Variants in RAPGEF5 observed in about 807,000 individuals in gnomAD.
The protein encoded by RAPGEF5 is Rap guanine nucleotide exchange factor 5.
A neutral mutation model predicts 125.2 loss-of-function variants in RAPGEF5; 65 were observed. That is an observed-to-expected ratio of 0.52 (90% CI 0.43 to 0.64). The LOEUF (loss-of-function observed/expected upper bound fraction) is 0.64. Among genes scored for constraint, RAPGEF5 ranks in the 30% least tolerant of loss-of-function variants. RAPGEF5 has a pLI of 0.00. For missense variants in RAPGEF5, 958 were observed against 1,048.1 expected (o/e 0.91, Z 1.19); for synonymous variants, 391 against 385.9 (o/e 1.01, Z -0.16).
intron 1 of RAPGEF5, among the ~76,000 whole-genome samples, chr7:22,327,396 T>C (rs1783834583): frequency 6.6e-6 from 1 of 152,264 alleles, no homozygotes; most frequent in Non-Finnish European, 1.5e-5. Context: ...ATCTATATTG[T>C]GCTCATACTT....
chr7:22,145,617 T>C (rs540974903), intron 19 of RAPGEF5, among the ~76,000 whole-genome samples: 95 of 152,176 alleles, frequency 6.2e-4, no homozygotes, highest in Admixed American at 1.0e-3. Context: ...CACAGGTCTG[T>C]TCTCTAAGAC....
chr7:22,180,956 A>G (rs1055553718), intron 11 of RAPGEF5, among the ~76,000 whole-genome samples: 5 of 152,212 alleles, frequency 3.3e-5, no homozygotes, highest in South Asian at 2.1e-4. Context: ...CACTATGCCA[A>G]TCAGCATTGG....
intron 1 of RAPGEF5, among the ~76,000 whole-genome samples, chr7:22,355,367 G>C (rs1481841583): frequency 6.6e-6 from 1 of 152,160 alleles, no homozygotes; most frequent in Non-Finnish European, 1.5e-5. Context: ...CAGACTGCCT[G>C]GCAGCCCTCA....
intron 12 of RAPGEF5, among the ~76,000 whole-genome samples, chr7:22,164,794 T>G (rs1415235122): frequency 1.3e-5 from 2 of 152,218 alleles, no homozygotes; most frequent in Non-Finnish European, 2.9e-5. Context: ...ATGCACAGAA[T>G]ATTAGCTGGC....
At chr7:22,227,910 C>T (rs557226718) in intron 8 of RAPGEF5, among the ~76,000 whole-genome samples, 27 of 152,300 alleles carry the variant, frequency 1.8e-4, no homozygotes, top group East Asian at 9.6e-4. Context: ...TAGAACCAGG[C>T]AAATTTTCAG....
chr7:22,306,070 G>C (rs1220430226), intron 5 of RAPGEF5, among the ~76,000 whole-genome samples: 1 of 152,184 alleles, frequency 6.6e-6, no homozygotes, highest in East Asian at 1.9e-4. Context: ...ACACTCAGCA[G>C]TGGGATTACT....
intron 9 of RAPGEF5, among the ~76,000 whole-genome samples, chr7:22,207,041 A>T (rs10248283): frequency 0.67 from 102,135 of 151,976 alleles, 34,408 homozygotes; most frequent in South Asian, 0.73. Context: ...ATATTCAACT[A>T]CACTAGAGAT....
chr7:22,229,400 A>G (rs1786003416), intron 8 of RAPGEF5, among the ~76,000 whole-genome samples: 1 of 152,220 alleles, frequency 6.6e-6, no homozygotes, highest in African/African-American at 2.4e-5. Flanking sequence ...TCTATGCGGA[A>G]GAAGGAATCA....
At chr7:22,347,967 A>AT (rs1784257100) in intron 1 of RAPGEF5, among the ~76,000 whole-genome samples, 1 of 152,206 alleles carries the variant, frequency 6.6e-6, no homozygotes, top group Non-Finnish European at 1.5e-5. Flanking sequence ...AAATATTTTG[A>AT]TTCAAAAAAA....
intron 9 of RAPGEF5, among the ~76,000 whole-genome samples, chr7:22,210,916 A>C (rs1785494427): frequency 6.6e-6 from 1 of 152,202 alleles, no homozygotes; most frequent in Non-Finnish European, 1.5e-5. Flanking sequence ...CAAAACAATC[A>C]TCCTTTTTGC....
At chr7:22,151,387 A>T (rs1479181216) in intron 17 of RAPGEF5, among the ~76,000 whole-genome samples, 1 of 152,028 alleles carries the variant, frequency 6.6e-6, no homozygotes, top group African/African-American at 2.4e-5. Context: ...TTTATTTTTT[A>T]AAAAAGAAAG....
intron 1 of RAPGEF5, among the ~76,000 whole-genome samples, chr7:22,342,145 C>T (rs1034098450): frequency 6.6e-6 from 1 of 152,264 alleles, no homozygotes; most frequent in Non-Finnish European, 1.5e-5. Context: ...CTTCTGTGCA[C>T]TCACAGACTC....
At chr7:22,310,183 G>T in intron 3 of RAPGEF5, 93 bp from the exon 4 acceptor site, 1 of 1,272,882 alleles carries the variant, frequency 7.9e-7, no homozygotes, top group Non-Finnish European at 1.0e-6. Context: ...CCTTTCATGT[G>T]CTTGCTTTTT....
chr7:22,291,441 C>T (rs1179197814), intron 5 of RAPGEF5, among the ~76,000 whole-genome samples, 200 bp from the exon 6 acceptor site: 1 of 152,110 alleles, frequency 6.6e-6, no homozygotes, highest in Non-Finnish European at 1.5e-5. Flanking sequence ...AATCAATTAG[C>T]AAGAACCTCT....
intron 23 of RAPGEF5, among the ~76,000 whole-genome samples, chr7:22,132,416 G>C (rs1463953768): frequency 6.6e-6 from 1 of 151,072 alleles, no homozygotes; most frequent in Admixed American, 6.6e-5. Flanking sequence ...GTCCTAGTAG[G>C]AAAACGATTC....
chr7:22,174,763 G>A (rs1340430664), intron 11 of RAPGEF5, among the ~76,000 whole-genome samples: 1 of 152,186 alleles, frequency 6.6e-6, no homozygotes, highest in Non-Finnish European at 1.5e-5. Context: ...AGAGAGATAT[G>A]AGTTAAGCTT....
At chr7:22,257,832 T>C (rs1782037781) in intron 7 of RAPGEF5, among the ~76,000 whole-genome samples, 1 of 152,226 alleles carries the variant, frequency 6.6e-6, no homozygotes, top group South Asian at 2.1e-4. Context: ...AATACAATCT[T>C]CTTCATTTAT....
In RAPGEF5 at chr7:22,135,945, A is replaced by C; in HGVS notation, c.2416+93T>G. ...TGAATGTCAAAATAACTGTAAAGAG[A>C]CAAAATGAGAGTCCCTTTTTTGCCC... On this transcript the variant is annotated intron_variant, in intron 23 of 25. Coordinates refer to ENST00000665637, the MANE Select transcript of RAPGEF5 (RefSeq NM_012294.5). 5 of 946,596 alleles carry C rather than the reference A, an allele frequency of 5.3e-6. No individual in the cohort carries two copies. The South Asian group carries it at 8.8e-5, about 17-fold the overall frequency. 58.6% of individuals were successfully genotyped at this position (946,596 alleles called of 1,614,324 possible).
At chr7:22,294,953 T>C (rs1783025835) in intron 5 of RAPGEF5, among the ~76,000 whole-genome samples, 1 of 152,280 alleles carries the variant, frequency 6.6e-6, no homozygotes, top group Admixed American at 6.5e-5. Flanking sequence ...CACATGATTA[T>C]TTGTGAATAC....
Sources: allele counts gnomAD v4.1 joint callset (sites outside exome capture counted in the v4.1 genomes callset), GRCh38; gene constraint gnomAD v4.1.1; transcripts MANE v1.5; gene names NCBI Gene and HGNC (gene_info 2026-07-23, HGNC 2026-07-21).